Variants in BICDL1 observed in about 807,000 individuals in gnomAD.
The protein encoded by BICDL1 is BICD family-like cargo adapter 1.
Under a neutral mutation model 76.8 loss-of-function variants are expected in BICDL1, and 20 were observed. The observed-to-expected ratio is 0.26, with a 90% CI of 0.18 to 0.38. The LOEUF (loss-of-function observed/expected upper bound fraction) is 0.38. Among genes scored for constraint, BICDL1 ranks in the 10% least tolerant of loss-of-function variants. The pLI is 1.00. For synonymous variants in BICDL1, 383 were observed against 337.1 expected (o/e 1.14, Z -1.49); for missense variants, 700 against 798.6 (o/e 0.88, Z 1.49).
At chr12:120,026,889 C>T (rs1952315182) in intron 2 of BICDL1, among the ~76,000 whole-genome samples, 1 of 152,184 alleles carries the variant, frequency 6.6e-6, no homozygotes, top group Non-Finnish European at 1.5e-5. Flanking sequence ...TTGGTTCACC[C>T]TACCCGCACA....
intron 2 of BICDL1, among the ~76,000 whole-genome samples, chr12:120,028,866 AAAC>A (rs1952363611): frequency 6.6e-6 from 1 of 152,110 alleles, no homozygotes; most frequent in African/African-American, 2.4e-5. Flanking sequence ...AAAAAAGAAA[AAAC>A]CAAGAAAATG....
At position 120,090,708 on chromosome 12, in the gene BICDL1, AAAGCCGTCTGTGGCTTTACAAGGT is replaced by A. The variant is rs781203888; in HGVS notation, c.1704+643_1704+666del. On this transcript the variant is annotated intron_variant, in intron 9 of 9. Transcript: ENST00000548673. ...CAAGAATTCTCATCCAGACAGATGA[AAAGCCGTCTGTGGCTTTACAAGGT>A]AAGCCCCCCGTGGAGGGCAGGTTGT... The A allele has an allele frequency of 1.6e-5, 6 of 373,944 alleles. 1 individual carries two copies. Among genetic ancestry groups the A allele is most frequent in the South Asian group, 1.2e-4 (6 of 49,336 alleles). 23.2% of individuals were successfully genotyped at this position (373,944 alleles called of 1,614,324 possible).
At chr12:120,073,391 CTATAGCCCTTT>C (rs1345916352) in intron 6 of BICDL1, among the ~76,000 whole-genome samples, 5 of 152,224 alleles carry the variant, frequency 3.3e-5, no homozygotes, top group Admixed American at 6.5e-5. Flanking sequence ...AGTTGCTATT[CTATAGCCCTTT>C]GGTCCTAGTG....
chr12:120,054,074 C>CTTTT (rs35079479), intron 2 of BICDL1, among the ~76,000 whole-genome samples: 1 of 140,482 alleles, frequency 7.1e-6, no homozygotes, highest in Non-Finnish European at 1.5e-5. Flanking sequence ...AAAATTGTAA[C>CTTTT]TTTTTTTTTT....
intron 2 of BICDL1, among the ~76,000 whole-genome samples, chr12:120,020,110 T>G (rs1280060564): frequency 2.6e-5 from 4 of 152,230 alleles, no homozygotes; most frequent in Admixed American, 2.6e-4. Context: ...GCCCATATTT[T>G]AATTTCTGAA....
intron 4 of BICDL1, among the ~76,000 whole-genome samples, chr12:120,069,315 G>T (rs1169229079): frequency 6.6e-6 from 1 of 152,190 alleles, no homozygotes. Flanking sequence ...CAGGATGAAG[G>T]ACTGATGTTA....
At position 120,009,588 on chromosome 12, in the gene BICDL1, T is replaced by G. The variant is rs777698710; in HGVS notation, c.645+10852T>G. Among the ~76,000 whole-genome samples the G allele has an allele frequency of 2.6e-5, 4 of 152,194 alleles. No individual in the cohort carries two copies. In the East Asian group the frequency reaches 7.7e-4, roughly 29 times the overall value. On this transcript the variant is annotated intron_variant, in intron 2 of 9. Transcript: ENST00000548673. The stretch of plus-strand genomic sequence containing the variant: ...AGCTTGGTATATTGTGTAGGAGAGA[T>G]AAAAATAGAGTTTAAATGAGCTGCC...
At chr12:120,012,543 C>T (rs189104167) in intron 2 of BICDL1, among the ~76,000 whole-genome samples, 169 of 152,276 alleles carry the variant, frequency 1.1e-3, no homozygotes, top group African/African-American at 3.7e-3. Context: ...TATACCTCCT[C>T]CTATGACACT....
At chr12:120,035,068 G>T (rs1471212509) in intron 2 of BICDL1, among the ~76,000 whole-genome samples, 5 of 152,196 alleles carry the variant, frequency 3.3e-5, no homozygotes, top group Non-Finnish European at 7.4e-5. Flanking sequence ...GGGCATGGTG[G>T]CTCAGACCTC....
At chr12:120,017,933 A>G (rs981736734) in intron 2 of BICDL1, among the ~76,000 whole-genome samples, 1 of 152,184 alleles carries the variant, frequency 6.6e-6, no homozygotes. Flanking sequence ...CTGTGTGGAT[A>G]CTTGCAAACA....
At chr12:120,089,376 G>C (rs904330476) in intron 8 of BICDL1, among the ~76,000 whole-genome samples, 1 of 147,872 alleles carries the variant, frequency 6.8e-6, no homozygotes, top group Admixed American at 6.7e-5. Flanking sequence ...CTCTTTCAAC[G>C]TGTGTGTGTG....
intron 2 of BICDL1, among the ~76,000 whole-genome samples, chr12:120,050,608 C>T (rs1366457942): frequency 6.6e-6 from 1 of 151,462 alleles, no homozygotes; most frequent in Non-Finnish European, 1.5e-5. Flanking sequence ...GCTTAGAAGT[C>T]TTTAATTTTG....
chr12:120,010,400 C>T (rs1264531320), intron 2 of BICDL1, among the ~76,000 whole-genome samples: 2 of 152,140 alleles, frequency 1.3e-5, no homozygotes, highest in African/African-American at 2.4e-5. Flanking sequence ...TTTTATACAT[C>T]TACATTATAA....
In BICDL1 at chr12:120,064,867, C is replaced by A. The variant is rs1464077356; in HGVS notation, c.897C>A (p.Asp299Glu). The A allele has an allele frequency of 1.9e-6, 3 of 1,610,566 alleles. No individual in the cohort carries two copies. The South Asian group carries it at 3.3e-5, about 18-fold the overall frequency. Residue 299 changes from aspartate (D) to glutamate (E), a missense_variant, in exon 4 of 10, where the codon GAC (aspartate) becomes GAA (glutamate). Physicochemically the swap from Asp to Glu is conservative, Grantham distance 45 (BLOSUM62 2). This residue lies in a region of BICDL1 where 455 missense variants were observed against 548.7 expected (regional missense o/e 0.83). Transcript: ENST00000548673. ...RVLILERQGH[D>E]KDLQLHQSQL... ...TAATCCTGGAGAGGCAGGGCCATGA[C>A]AAGGACCTACAGGTACTGGGGTAGA...
chr12:120,072,783 G>A, intron 6 of BICDL1, 54 bp downstream of exon 6: 1 of 1,512,642 alleles, frequency 6.6e-7, no homozygotes, highest in African/African-American at 1.4e-5. Context: ...CTGGTGGGAG[G>A]TTAGAACCCA....
At chr12:120,024,316 G>A (rs1952244304) in intron 2 of BICDL1, among the ~76,000 whole-genome samples, 1 of 151,924 alleles carries the variant, frequency 6.6e-6, no homozygotes, top group Non-Finnish European at 1.5e-5. Flanking sequence ...GACCTAAATC[G>A]AACTTCTAGA....
At chr12:120,038,064 A>G (rs1485666279) in intron 2 of BICDL1, among the ~76,000 whole-genome samples, 1 of 152,210 alleles carries the variant, frequency 6.6e-6, no homozygotes, top group African/African-American at 2.4e-5. Flanking sequence ...CCCTGGGTAG[A>G]CAGAGGCCAG....
At chr12:120,057,103 G>T in intron 2 of BICDL1, 1 of 522,398 alleles carries the variant, frequency 1.9e-6, no homozygotes, top group South Asian at 1.4e-5. Context: ...TTGATGCTGT[G>T]GTTGTATATT....
intron 4 of BICDL1, among the ~76,000 whole-genome samples, chr12:120,066,490 C>T (rs1566255654): frequency 6.6e-6 from 1 of 152,110 alleles, no homozygotes; most frequent in African/African-American, 2.4e-5. Context: ...AGTATGCCTT[C>T]AGGGGCCTGA....
Sources: gnomAD v4.1 joint callset for allele counts (sites outside exome capture counted in the v4.1 genomes callset) on GRCh38, gnomAD v4.1.1 for gene constraint, gnomAD v4.1.1 regional missense constraint, MANE v1.5 for transcripts, NCBI Gene and HGNC (gene_info 2026-07-23, HGNC 2026-07-21) for gene names.